SCN3A: variants seen among roughly 807,000 people sequenced by gnomAD.
The protein encoded by SCN3A is sodium voltage-gated channel alpha subunit 3.
A neutral mutation model predicts 187.6 loss-of-function variants in SCN3A; 60 were observed. The observed-to-expected ratio is 0.32, with a 90% CI of 0.26 to 0.40. The LOEUF (loss-of-function observed/expected upper bound fraction) is 0.40. SCN3A is among the 10% of genes least tolerant of loss of function. The pLI is 1.00. For missense variants in SCN3A, 1,601 were observed against 2,428.2 expected (o/e 0.66, Z 7.16); for synonymous variants, 788 against 829.2 (o/e 0.95, Z 0.85).
At chr2:165,200,789 A>G (rs574638341) in intron 1 of SCN3A, among the ~76,000 whole-genome samples, 4 of 152,194 alleles carry the variant, frequency 2.6e-5, no homozygotes, top group African/African-American at 9.6e-5. Context: ...TCTAGCTCCC[A>G]AAGACCCCAG....
At chr2:165,192,941 T>A (rs1691706160) in intron 1 of SCN3A, among the ~76,000 whole-genome samples, 1 of 152,130 alleles carries the variant, frequency 6.6e-6, no homozygotes, top group Non-Finnish European at 1.5e-5. Flanking sequence ...ATTGACCACA[T>A]GAGGAACTGA....
At chr2:165,107,182 A>C (rs970480989) in intron 21 of SCN3A, among the ~76,000 whole-genome samples, 4 of 152,210 alleles carry the variant, frequency 2.6e-5, no homozygotes, top group African/African-American at 9.6e-5. Context: ...TTGGAGTTTA[A>C]CAAAAGACCA....
At chr2:165,139,760 G>GTTT (rs200435317) in intron 13 of SCN3A, 152 bp from the exon 14 acceptor site, 6 of 783,458 alleles carry the variant, frequency 7.7e-6, no homozygotes, top group Non-Finnish European at 9.6e-6. Context: ...GTTATAAACA[G>GTTT]TTTTTTTTTT....
chr2:165,190,440 G>GT (rs929251967), intron 1 of SCN3A, among the ~76,000 whole-genome samples: 2 of 150,654 alleles, frequency 1.3e-5, no homozygotes, highest in African/African-American at 2.4e-5. Flanking sequence ...CTTAACAGAT[G>GT]TATCACATAC....
At chr2:165,154,329 C>T (rs1429636031) in intron 11 of SCN3A, 123 bp downstream of exon 11, 4 of 1,061,216 alleles carry the variant, frequency 3.8e-6, no homozygotes, top group South Asian at 3.1e-5. Context: ...ACTTTTTTTT[C>T]TAATGACAAT....
At chr2:165,183,693 C>G (rs1250461826) in intron 2 of SCN3A, among the ~76,000 whole-genome samples, 1 of 152,114 alleles carries the variant, frequency 6.6e-6, no homozygotes, top group Admixed American at 6.6e-5. Context: ...GGTCCATAAC[C>G]TGTAGTATTA....
At chr2:165,117,827 C>T (rs1019274544) in intron 18 of SCN3A, among the ~76,000 whole-genome samples, 1 of 152,070 alleles carries the variant, frequency 6.6e-6, no homozygotes, top group Admixed American at 6.5e-5. Context: ...TATACACACA[C>T]AGGTACTTTT....
At chr2:165,183,897 C>T (rs541341633) in intron 2 of SCN3A, among the ~76,000 whole-genome samples, 4 of 152,138 alleles carry the variant, frequency 2.6e-5, no homozygotes, top group East Asian at 3.9e-4. Context: ...TGTATTTTCA[C>T]GTCTTTGAGA....
chr2:165,164,602 C>G, intron 5 of SCN3A, 82 bp from the exon 6 acceptor site: 1 of 1,474,884 alleles, frequency 6.8e-7, no homozygotes, highest in Non-Finnish European at 9.3e-7. Flanking sequence ...AAATCCTATC[C>G]TTTTGTGGTT....
At chr2:165,136,069 G>A (rs1259998601) in intron 15 of SCN3A, among the ~76,000 whole-genome samples, 1 of 152,060 alleles carries the variant, frequency 6.6e-6, no homozygotes, top group Admixed American at 6.6e-5. Context: ...TATGTGTGTT[G>A]AGAAAATAGA....
In SCN3A at chr2:165,091,316, A is replaced by G. The variant is rs1685093942; in HGVS notation, c.4837T>C (p.Tyr1613His). 1.2e-6 allele frequency: 2 copies of G among 1,614,020 alleles called. No individual in the cohort carries two copies. Among genetic ancestry groups the G allele is most frequent in the Non-Finnish European group, 1.7e-6 (2 of 1,179,938 alleles). Residue 1613 changes from tyrosine to histidine, a missense_variant, in exon 28 of 28, where the codon TAT (tyrosine) becomes CAT (histidine). Physicochemically the swap from Tyr to His is moderately conservative, Grantham distance 83. This residue lies in a region of SCN3A where 320 missense variants were observed against 623.2 expected (regional missense o/e 0.51). Coordinates refer to ENST00000283254, the MANE Select transcript of SCN3A (RefSeq NM_006922.4). ...CGGAACAAGGTAGGGGACACAAAAT[A>G]CTTTTCTATCATCTCAGCCAGAAAC... ...GMFLAEMIEK[Y>H]FVSPTLFRVI...
At chr2:165,164,894 CA>C (rs1004410089) in intron 5 of SCN3A, among the ~76,000 whole-genome samples, 14 of 152,074 alleles carry the variant, frequency 9.2e-5, no homozygotes, top group African/African-American at 3.4e-4. Context: ...TGAGAAGAAG[CA>C]AGTCAACGTA....
chr2:165,133,013 C>T (rs1310406889), intron 15 of SCN3A, among the ~76,000 whole-genome samples: 1 of 151,988 alleles, frequency 6.6e-6, no homozygotes, highest in Non-Finnish European at 1.5e-5. Flanking sequence ...TTTATGCAGC[C>T]AAAAAACACA....
chr2:165,170,146 T>C (rs1012661370), intron 4 of SCN3A, among the ~76,000 whole-genome samples: 2 of 151,938 alleles, frequency 1.3e-5, no homozygotes, highest in Admixed American at 6.6e-5. Flanking sequence ...TATGACCTCA[T>C]TGAAGCTGAT....
Position 165,088,343 on chromosome 2 carries a change from T to C in SCN3A, c.*1807A>G, listed in dbSNP as rs1008655226. On this transcript the variant is annotated 3_prime_UTR_variant, in exon 28 of 28. Transcript: ENST00000283254. ...TAATTGCACAACTTTGCCACTTTGT[T>C]CATGGCTAAAAAGAACAAAGTCCAT... 2 of 152,452 alleles carry C rather than the reference T, an allele frequency of 1.3e-5. No individual in the cohort carries two copies. The highest frequency in any genetic ancestry group is 4.8e-5 in the African/African-American group (2 of 41,418). 9.4% of individuals were successfully genotyped at this position (152,452 alleles called of 1,614,324 possible). A position where few individuals can be genotyped will look rare whatever the true frequency, so the allele number is the denominator to read the frequency against.
At chr2:165,096,599 A>G in intron 23 of SCN3A, 79 bp from the exon 24 acceptor site, 1 of 944,876 alleles carries the variant, frequency 1.1e-6, no homozygotes, top group Non-Finnish European at 1.7e-6. Flanking sequence ...ATCTGACAGT[A>G]TTATAACAAA....
Position 165,147,030 on chromosome 2 carries a change from C to A in SCN3A, c.1381-1G>T. 1 of 1,613,932 alleles carries A rather than the reference C, an allele frequency of 6.2e-7. No individual in the cohort carries two copies. Among genetic ancestry groups the A allele is most frequent in the Non-Finnish European group, 8.5e-7 (1 of 1,179,908 alleles). ...AAGCAGCTGATGCTGCCGCAACTGC[C>A]TGTCATAAAACAAAGCCAGGCACTA... On this transcript the variant is annotated splice_acceptor_variant, in intron 11 of 27. Transcript: ENST00000283254. LOFTEE classifies it high-confidence loss of function.
intron 4 of SCN3A, 40 bp downstream of exon 4, chr2:165,170,390 G>T (rs751967919): frequency 8.7e-7 from 1 of 1,146,500 alleles, no homozygotes; most frequent in South Asian, 1.2e-5. Context: ...AAAATCAACT[G>T]TTAGAAATAG....
intron 5 of SCN3A, among the ~76,000 whole-genome samples, 153 bp from the exon 6 acceptor site, chr2:165,164,673 T>A (rs183916202): frequency 2.0e-5 from 3 of 152,330 alleles, no homozygotes; most frequent in Admixed American, 2.0e-4. Context: ...TTCATTTAGT[T>A]AGTTTTACAA....
Sources: allele counts gnomAD v4.1 joint callset (sites outside exome capture counted in the v4.1 genomes callset), GRCh38; gene constraint gnomAD v4.1.1; regional missense constraint gnomAD v4.1.1; transcripts MANE v1.5; gene names NCBI Gene and HGNC (gene_info 2026-07-23, HGNC 2026-07-21).